FMN2: variants seen among roughly 807,000 people sequenced by gnomAD.
The protein encoded by FMN2 is formin-2.
In FMN2, 51 loss-of-function variants were observed where a neutral mutation model predicts 142.3. The observed-to-expected ratio is 0.36, with a 90% CI of 0.29 to 0.45. FMN2 has a LOEUF of 0.45. Ranked by LOEUF, FMN2 falls within the 20% of genes least tolerant of loss-of-function variation. The probability of loss-of-function intolerance (pLI) is 1.00; values close to 1 mark genes in which losing one functional copy is unlikely to be tolerated. For synonymous variants in FMN2, 882 were observed against 869.8 expected, an observed-to-expected ratio of 1.01 and a Z score of -0.25; for missense variants, 1,936 against 2,122.8, an observed-to-expected ratio of 0.91 and a Z score of 1.73.
intron 8 of FMN2, among the ~76,000 whole-genome samples, chr1:240,328,147 C>CAAAAAAAAAAGA (rs1158564294): frequency 3.7e-4 from 19 of 51,426 alleles, no homozygotes; most frequent in African/African-American, 1.3e-3. Flanking sequence ...GACCCCATCT[C>CAAAAAAAAAAGA]AAAAAAAAAA....
At position 240,474,898 on chromosome 1, in the gene FMN2, A is replaced by G. The variant is rs993817423; in HGVS notation, c.*744A>G. ...TATGGAAAGCAACTTAAGAAAACCAATGTTCTAAATCATAATTGTTTGTAT... is the reference window on the plus strand; with the variant it reads ...TATGGAAAGCAACTTAAGAAAACCAGTGTTCTAAATCATAATTGTTTGTAT... On this transcript the variant is annotated 3_prime_UTR_variant, in exon 18 of 18. Coordinates refer to ENST00000319653, the MANE Select transcript of FMN2 (RefSeq NM_020066.5). The G allele has an allele frequency of 2.0e-5, 3 of 152,604 alleles. No individual in the cohort carries two copies. The highest frequency in any genetic ancestry group is 4.4e-5 in the Non-Finnish European group (3 of 68,028). 9.5% of individuals were successfully genotyped at this position (152,604 alleles called of 1,614,324 possible). A position where few individuals can be genotyped will look rare whatever the true frequency, so the allele number is the denominator to read the frequency against.
At chr1:240,360,800 G>A (rs980460041) in intron 14 of FMN2, among the ~76,000 whole-genome samples, 3 of 152,090 alleles carry the variant, frequency 2.0e-5, no homozygotes, top group African/African-American at 4.8e-5. Flanking sequence ...CATAAAAAAG[G>A]ATGAGTTCAT....
At chr1:240,224,602 C>T (rs1431505474) in intron 6 of FMN2, among the ~76,000 whole-genome samples, 1 of 152,058 alleles carries the variant, frequency 6.6e-6, no homozygotes, top group Non-Finnish European at 1.5e-5. Context: ...GTTAAAATCT[C>T]CCACTATTAT....
chr1:240,154,107 C>CAAAAAAA (rs3047182), intron 2 of FMN2, among the ~76,000 whole-genome samples: 7 of 55,246 alleles, frequency 1.3e-4, no homozygotes, highest in Admixed American at 4.8e-4. Flanking sequence ...GAGATTCCAT[C>CAAAAAAA]AAAAAAAAAA....
chr1:240,165,078 C>T (rs1255354442), intron 2 of FMN2, among the ~76,000 whole-genome samples: 1 of 152,106 alleles, frequency 6.6e-6, no homozygotes, highest in East Asian at 1.9e-4. Flanking sequence ...TTCTAATCTA[C>T]CATTAAGTAG....
rs1049687720 is a variant in FMN2, at chr1:240,188,045, T to C, written c.1931-162T>C. Among the ~76,000 whole-genome samples the C allele has an allele frequency of 2.6e-5, 4 of 152,358 alleles. 1 individual carries two copies. Among genetic ancestry groups the C allele is most frequent in the Middle Eastern group, 3.4e-3 (1 of 294 alleles). ...TGTATGTATTATATATATTGAAAAG[T>C]AGTCATATCCTAATAACCCAGTTAT... On this transcript the variant is annotated intron_variant, in intron 3 of 17. Transcript: ENST00000319653.
At chr1:240,142,505 TG>T (rs199943930) in intron 2 of FMN2, among the ~76,000 whole-genome samples, 2 of 33,116 alleles carry the variant, frequency 6.0e-5, no homozygotes, top group Admixed American at 2.8e-4. Context: ...TTATATTTTT[TG>T]GGGGGGGATA....
intron 8 of FMN2, among the ~76,000 whole-genome samples, chr1:240,309,750 C>G (rs189322394): frequency 6.6e-6 from 1 of 151,948 alleles, no homozygotes; most frequent in East Asian, 1.9e-4. Context: ...AAAGGGGGAC[C>G]GGGAGCTGCT....
intron 2 of FMN2, among the ~76,000 whole-genome samples, chr1:240,152,123 G>A (rs1663808819): frequency 1.3e-5 from 2 of 151,914 alleles, no homozygotes; most frequent in Non-Finnish European, 2.9e-5. Context: ...CCTGCTATCA[G>A]CACTTTTCAT....
At chr1:240,141,344 T>TTTTA (rs59481681) in intron 2 of FMN2, among the ~76,000 whole-genome samples, 66,772 of 150,380 alleles carry the variant, frequency 0.44, 15,029 homozygotes, top group Admixed American at 0.48. Context: ...GGCAACGGTA[T>TTTTA]TTTATTTATT....
In FMN2 at chr1:240,207,679, C is replaced by G; in HGVS notation, c.2867C>G (p.Pro956Arg). The G allele has an allele frequency of 6.9e-7, 1 of 1,446,360 alleles. No homozygotes were observed. The allele number at this position is 1,446,360 out of a possible 1,614,324, so 89.6% of individuals were successfully genotyped here. A position where few individuals can be genotyped will look rare whatever the true frequency, so the allele number is the denominator to read the frequency against. The stretch of plus-strand genomic sequence containing the variant: ...CTACCCGGAGCGGCAATACCCCCTC[C>G]GCCCCCTCTTCCCGGGGCAGGCATA... Reference protein sequence around the residue: ...PPLPGAAIPPPPPLPGAGIPL... With the variant: ...PPLPGAAIPPRPPLPGAGIPL... The change falls in exon 5 of 18, where the codon CCG (proline) becomes CGG (arginine). Residue 956 changes from proline (P) to arginine (R), a missense_variant. Coordinates refer to ENST00000319653, the MANE Select transcript of FMN2 (RefSeq NM_020066.5).
At chr1:240,182,857 TG>T (rs1190386677) in intron 3 of FMN2, among the ~76,000 whole-genome samples, 2 of 151,998 alleles carry the variant, frequency 1.3e-5, no homozygotes, top group African/African-American at 2.4e-5. Context: ...GTGTCTCTAA[TG>T]GTTCCTAAGA....
chr1:240,469,460 G>A lies in FMN2; in HGVS notation c.5061-2912G>A, dbSNP rs1232295240. Among the ~76,000 whole-genome samples, 8 of 152,098 alleles carry A rather than the reference G, an allele frequency of 5.3e-5. No homozygotes were observed. The South Asian group carries it at 6.2e-4, about 12-fold the overall frequency. On this transcript the variant is annotated intron_variant, in intron 16 of 17. Coordinates refer to ENST00000319653, the MANE Select transcript of FMN2 (RefSeq NM_020066.5). ...ATCCTAGTCACACACATAAGAAACC[G>A]AGGCATAAACCTGAAAACCAGTTGG...
intron 2 of FMN2, among the ~76,000 whole-genome samples, chr1:240,137,499 T>C (rs1365356223): frequency 6.6e-6 from 1 of 152,232 alleles, no homozygotes; most frequent in African/African-American, 2.4e-5. Context: ...GGCTAGCCCC[T>C]GCTCTATACT....
chr1:240,260,216 C>T (rs975654984), intron 7 of FMN2, among the ~76,000 whole-genome samples: 4 of 152,140 alleles, frequency 2.6e-5, no homozygotes, highest in South Asian at 2.1e-4. Context: ...TAAACATGCA[C>T]GTACAAGTAT....
At chr1:240,329,243 G>A (rs6686353) in intron 9 of FMN2, 76 bp downstream of exon 9, 785,277 of 1,592,338 alleles carry the variant, frequency 0.49, 202,039 homozygotes, top group African/African-American at 0.87. Context: ...ATGCAAATGC[G>A]GTGTCTTCAG....
At chr1:240,389,726 A>T (rs958199232) in intron 14 of FMN2, among the ~76,000 whole-genome samples, 1 of 152,142 alleles carries the variant, frequency 6.6e-6, no homozygotes, top group Admixed American at 6.6e-5. Context: ...CCGAGACGGA[A>T]GGATTGCTTG....
At chr1:240,352,696 C>G (rs1051492833) in intron 13 of FMN2, among the ~76,000 whole-genome samples, 1 of 152,204 alleles carries the variant, frequency 6.6e-6, no homozygotes, top group Non-Finnish European at 1.5e-5. Context: ...GGCCTCATTT[C>G]TTTTAAGTGA....
At chr1:240,244,823 T>C (rs969630178) in intron 6 of FMN2, among the ~76,000 whole-genome samples, 5 of 152,334 alleles carry the variant, frequency 3.3e-5, no homozygotes, top group African/African-American at 1.2e-4. Flanking sequence ...AATTCTGATG[T>C]CTAGCCAAGG....
Sources: gnomAD v4.1 joint callset for allele counts (sites outside exome capture counted in the v4.1 genomes callset) on GRCh38, gnomAD v4.1.1 for gene constraint, MANE v1.5 for transcripts, NCBI Gene and HGNC (gene_info 2026-07-23, HGNC 2026-07-21) for gene names.